The following GTF2H1 variants were observed in gnomAD, a reference collection of about 807,000 sequenced individuals.
GTF2H1 encodes the protein BTF2 p62.
A neutral mutation model predicts 71.2 loss-of-function variants in GTF2H1; 16 were observed. The observed-to-expected ratio is 0.22, with a 90% CI of 0.15 to 0.34. GTF2H1 has a LOEUF of 0.34. Among genes scored for constraint, GTF2H1 ranks in the 10% least tolerant of loss-of-function variants. GTF2H1 has a pLI of 1.00. For missense variants in GTF2H1, 498 were observed against 648.2 expected (o/e 0.77, Z 2.52); for synonymous variants, 215 against 219.0 (o/e 0.98, Z 0.16).
intron 12 of GTF2H1, 92 bp from the exon 13 acceptor site, chr11:18,358,433 A>C: frequency 1.4e-6 from 1 of 712,244 alleles, no homozygotes; most frequent in Non-Finnish European, 2.5e-6. Context: ...CAAAGAGTAC[A>C]CATTCAAATT....
intron 1 of GTF2H1, among the ~76,000 whole-genome samples, chr11:18,324,994 T>C (rs1173610465): frequency 3.9e-5 from 6 of 152,246 alleles, no homozygotes; most frequent in Non-Finnish European, 7.3e-5. Flanking sequence ...GGTCACTCTT[T>C]ACATACTTAT....
rs746701621 is a variant in GTF2H1, at chr11:18,366,643, C to T, written c.*774C>T. The T allele has an allele frequency of 1.3e-5, 2 of 152,456 alleles. No homozygotes were observed. Among genetic ancestry groups the T allele is most frequent in the Admixed American group, 6.6e-5 (1 of 15,254 alleles). 9.4% of individuals were successfully genotyped at this position (152,456 alleles called of 1,614,324 possible). On this transcript the variant is annotated 3_prime_UTR_variant, in exon 15 of 15. Transcript: ENST00000265963. ...GCAGAATTTTGTCAGAAGACAATGG[C>T]GCTGCATGTTTTTCTTTGAGTGCAA...
At chr11:18,354,118 G>A (rs1035273858) in intron 11 of GTF2H1, among the ~76,000 whole-genome samples, 19 of 152,102 alleles carry the variant, frequency 1.2e-4, no homozygotes, top group African/African-American at 4.6e-4. Context: ...AGAGTACTGG[G>A]CAATTTTTTG....
chr11:18,328,259 C>T (rs1302237820), intron 1 of GTF2H1, among the ~76,000 whole-genome samples: 1 of 149,068 alleles, frequency 6.7e-6, no homozygotes, highest in African/African-American at 2.5e-5. Context: ...GCCTGTAATC[C>T]CAGCACTTTG....
intron 1 of GTF2H1, among the ~76,000 whole-genome samples, chr11:18,325,043 T>G (rs148552915): frequency 5.8e-4 from 89 of 152,360 alleles, no homozygotes; most frequent in South Asian, 1.0e-3. Context: ...TCAAACACTT[T>G]TGGATTGCTT....
chr11:18,347,773 TGTG>T (rs1484554824), intron 8 of GTF2H1, 56 bp from the exon 9 acceptor site: 31 of 1,597,240 alleles, frequency 1.9e-5, no homozygotes, highest in Non-Finnish European at 2.2e-5. Flanking sequence ...CAGATGGAGT[TGTG>T]GTGTTGTTTT....
chr11:18,356,949 C>G (rs1865567488), intron 11 of GTF2H1, among the ~76,000 whole-genome samples: 1 of 151,980 alleles, frequency 6.6e-6, no homozygotes, highest in Non-Finnish European at 1.5e-5. Context: ...CACCACCATG[C>G]CCAACTAATT....
At chr11:18,328,028 C>T (rs1369508204) in intron 1 of GTF2H1, among the ~76,000 whole-genome samples, 1 of 151,384 alleles carries the variant, frequency 6.6e-6, no homozygotes. Flanking sequence ...ATGGTGAAAC[C>T]CCATCTCTAC....
intron 5 of GTF2H1, 112 bp from the exon 6 acceptor site, chr11:18,341,149 A>T: frequency 1.4e-6 from 1 of 716,282 alleles, no homozygotes; most frequent in Non-Finnish European, 2.3e-6. Flanking sequence ...TATAGTATGT[A>T]GAGTTGAGAG....
At chr11:18,356,346 C>A (rs1333686434) in intron 11 of GTF2H1, among the ~76,000 whole-genome samples, 1 of 149,074 alleles carries the variant, frequency 6.7e-6, no homozygotes, top group Non-Finnish European at 1.5e-5. Context: ...CCACTGCACT[C>A]CAGCCTGGGC....
intron 10 of GTF2H1, 149 bp from the exon 11 acceptor site, chr11:18,352,180 A>G: frequency 3.1e-6 from 2 of 639,654 alleles, no homozygotes. Context: ...TATTGCCCTT[A>G]TGGGAATTAA....
intron 11 of GTF2H1, among the ~76,000 whole-genome samples, chr11:18,357,342 T>C (rs1188465445): frequency 6.6e-6 from 1 of 152,228 alleles, no homozygotes; most frequent in East Asian, 1.9e-4. Flanking sequence ...CTATATTTAT[T>C]CACTTCCTTG....
chr11:18,335,632 T>C, intron 2 of GTF2H1, 122 bp from the exon 3 acceptor site: 1 of 656,086 alleles, frequency 1.5e-6, no homozygotes, highest in Non-Finnish European at 2.7e-6. Context: ...AAAGCATCAG[T>C]ATTGGAATAG....
chr11:18,330,788 C>G (rs377749072), intron 1 of GTF2H1, among the ~76,000 whole-genome samples: 11 of 152,316 alleles, frequency 7.2e-5, no homozygotes, highest in Admixed American at 3.3e-4. Context: ...AAGCAGAAAT[C>G]AACAGACGTT....
intron 11 of GTF2H1, 100 bp from the exon 12 acceptor site, chr11:18,357,852 C>T (rs1288930936): frequency 2.7e-6 from 2 of 737,044 alleles, no homozygotes; most frequent in Non-Finnish European, 4.9e-6. Flanking sequence ...AAAGGAAAAG[C>T]ACTTCATTGT....
intron 1 of GTF2H1, among the ~76,000 whole-genome samples, chr11:18,328,799 C>T (rs1315407598): frequency 6.6e-6 from 1 of 151,378 alleles, no homozygotes; most frequent in Non-Finnish European, 1.5e-5. Flanking sequence ...GCACTCCTGC[C>T]TGGGTGACAG....
Position 18,360,643 on chromosome 11 carries a change from G to C in GTF2H1, c.1496G>C (p.Arg499Pro), listed in dbSNP as rs1318881331. Residue 499 changes from arginine to proline, a missense_variant, in exon 14 of 15, where the codon CGA becomes CCA. Physicochemically the swap from Arg to Pro is moderately radical, Grantham distance 103. Coordinates refer to ENST00000265963, the MANE Select transcript of GTF2H1 (RefSeq NM_005316.4). The stretch of plus-strand genomic sequence containing the variant: ...GTGAAAATGAAAAGTAATTTGGAAC[G>C]ATTCCAAGTTACGAAGCTCTGTCCA... ...KVVKMKSNLE[R>P]FQVTKLCPFQ... 6.4e-7 allele frequency: 1 copy of C among 1,552,926 alleles called. No homozygotes were observed.
At chr11:18,344,045 G>A (rs1415284400) in intron 7 of GTF2H1, among the ~76,000 whole-genome samples, 1 of 152,122 alleles carries the variant, frequency 6.6e-6, no homozygotes, top group Non-Finnish European at 1.5e-5. Flanking sequence ...AGGCTGGTCT[G>A]AACTCCTGGG....
chr11:18,339,702 ATT>A, intron 5 of GTF2H1, 45 bp downstream of exon 5: 1 of 1,079,788 alleles, frequency 9.3e-7, no homozygotes, highest in Non-Finnish European at 1.4e-6. Context: ...ATATGGATAT[ATT>A]CTATAGTATA....
Sources: gnomAD v4.1 joint callset for allele counts (sites outside exome capture counted in the v4.1 genomes callset) on GRCh38, gnomAD v4.1.1 for gene constraint, MANE v1.5 for transcripts, NCBI Gene and HGNC (gene_info 2026-07-23, HGNC 2026-07-21) for gene names.